Variants in THSD7B observed in about 807,000 individuals in gnomAD.
THSD7B encodes thrombospondin type-1 domain-containing protein 7B.
A neutral mutation model predicts 213.6 loss-of-function variants in THSD7B; 138 were observed. The observed-to-expected ratio is 0.65, with a 90% CI of 0.56 to 0.74. The LOEUF (loss-of-function observed/expected upper bound fraction) is 0.74, where lower values mean the gene tolerates loss of function less well. Among genes scored for constraint, THSD7B ranks in the 30% least tolerant of loss-of-function variants. The probability of loss-of-function intolerance (pLI) is 0.00; values close to 1 mark genes in which losing one functional copy is unlikely to be tolerated. For missense variants in THSD7B, 1,931 were observed against 1,991.5 expected, an observed-to-expected ratio of 0.97 and a Z score of 0.58; for synonymous variants, 742 against 687.0, an observed-to-expected ratio of 1.08 and a Z score of -1.25.
At chr2:137,021,668 T>C (rs188447040) in intron 2 of THSD7B, among the ~76,000 whole-genome samples, 5 of 152,334 alleles carry the variant, frequency 3.3e-5, no homozygotes, top group Non-Finnish European at 5.9e-5. Flanking sequence ...AAACATGATA[T>C]TGACATTGAT....
At chr2:137,408,802 T>C (rs1027508680) in intron 13 of THSD7B, among the ~76,000 whole-genome samples, 1 of 152,162 alleles carries the variant, frequency 6.6e-6, no homozygotes, top group Non-Finnish European at 1.5e-5. Context: ...GCCAGCAACA[T>C]TGCATTTCTC....
intron 12 of THSD7B, among the ~76,000 whole-genome samples, chr2:137,301,778 G>A (rs1683607921): frequency 6.6e-6 from 1 of 152,056 alleles, no homozygotes; most frequent in African/African-American, 2.4e-5. Context: ...AGACAGTGAA[G>A]TTTGAGCAGA....
intron 12 of THSD7B, among the ~76,000 whole-genome samples, chr2:137,323,464 T>C (rs898743881): frequency 3.9e-5 from 6 of 152,198 alleles, no homozygotes; most frequent in African/African-American, 1.4e-4. Flanking sequence ...TTCATTGAGA[T>C]GTCATAAGAT....
At chr2:136,881,068 G>A (rs557057569) in intron 1 of THSD7B, among the ~76,000 whole-genome samples, 3 of 152,174 alleles carry the variant, frequency 2.0e-5, no homozygotes, top group East Asian at 1.9e-4. Flanking sequence ...GCATTTCAAC[G>A]CCTTGTTGTT....
intron 15 of THSD7B, among the ~76,000 whole-genome samples, chr2:137,455,498 G>A (rs149363548): frequency 6.6e-6 from 1 of 152,264 alleles, no homozygotes; most frequent in South Asian, 2.1e-4. Flanking sequence ...ATCTGAATCT[G>A]TTAGTGAAAT....
intron 2 of THSD7B, among the ~76,000 whole-genome samples, chr2:136,942,730 T>C (rs1310843106): frequency 1.3e-5 from 2 of 152,238 alleles, no homozygotes; most frequent in African/African-American, 4.8e-5. Flanking sequence ...AAGTTGCTTA[T>C]CAGCTTAAGG....
intron 7 of THSD7B, among the ~76,000 whole-genome samples, chr2:137,212,200 A>C (rs1426152392): frequency 6.6e-6 from 1 of 151,904 alleles, no homozygotes; most frequent in Non-Finnish European, 1.5e-5. Flanking sequence ...CTTACATTAG[A>C]TTCTGGTCGG....
intron 2 of THSD7B, among the ~76,000 whole-genome samples, chr2:136,995,182 G>A (rs1027864993): frequency 1.3e-5 from 2 of 152,170 alleles, no homozygotes; most frequent in African/African-American, 4.8e-5. Context: ...GACTGTCTCA[G>A]AGCAAATTCT....
At chr2:137,609,787 T>G (rs2104831727) in intron 17 of THSD7B, among the ~76,000 whole-genome samples, 1 of 152,180 alleles carries the variant, frequency 6.6e-6, no homozygotes, top group South Asian at 2.1e-4. Context: ...ATCTGTAGAA[T>G]GGGAAGATTG....
intron 3 of THSD7B, among the ~76,000 whole-genome samples, 152 bp from the exon 4 acceptor site, chr2:137,094,720 AT>A (rs148419208): frequency 6.6e-6 from 1 of 152,240 alleles, no homozygotes; most frequent in Non-Finnish European, 1.5e-5. Context: ...ACTCTTCAAT[AT>A]TTTTTCATGA....
intron 2 of THSD7B, among the ~76,000 whole-genome samples, chr2:136,940,082 TAA>T (rs1358450394): frequency 1.5e-3 from 234 of 152,296 alleles, no homozygotes; most frequent in African/African-American, 5.6e-3. Flanking sequence ...AACATTTGTA[TAA>T]TGGTAAAGAC....
chr2:137,046,670 C>T (rs1686975686), intron 2 of THSD7B, among the ~76,000 whole-genome samples: 1 of 140,214 alleles, frequency 7.1e-6, no homozygotes, highest in Non-Finnish European at 1.5e-5. Flanking sequence ...GCAGAGTTTG[C>T]AGTGAGCCAA....
chr2:137,331,350 T>TTC (rs1174593087), intron 12 of THSD7B, among the ~76,000 whole-genome samples: 1 of 149,636 alleles, frequency 6.7e-6, no homozygotes, highest in Non-Finnish European at 1.5e-5. Flanking sequence ...GACATAAACG[T>TTC]TCTCCAAGGC....
intron 7 of THSD7B, among the ~76,000 whole-genome samples, chr2:137,209,190 C>T (rs1244547419): frequency 6.6e-6 from 1 of 152,060 alleles, no homozygotes; most frequent in Non-Finnish European, 1.5e-5. Context: ...CTGTCATAAT[C>T]TTTGCAAAGG....
intron 15 of THSD7B, among the ~76,000 whole-genome samples, chr2:137,554,768 GCAC>G (rs1680920756): frequency 1.3e-5 from 2 of 152,182 alleles, no homozygotes; most frequent in African/African-American, 4.8e-5. Flanking sequence ...CACCCGGGAA[GCAC>G]AAGGGGTCAG....
chr2:137,445,354 T>C (rs937951746), intron 14 of THSD7B, among the ~76,000 whole-genome samples: 8 of 152,002 alleles, frequency 5.3e-5, no homozygotes, highest in African/African-American at 1.9e-4. Context: ...GGAATCCACC[T>C]AAGTGCCCAT....
chr2:136,889,841 C>G (rs531952448), intron 2 of THSD7B, among the ~76,000 whole-genome samples: 1 of 152,280 alleles, frequency 6.6e-6, no homozygotes, highest in South Asian at 2.1e-4. Context: ...TCTTGAATCC[C>G]TTGTTTCCTG....
rs1688443376 is a variant in THSD7B at position 137,116,067 on chromosome 2, T to C, written c.1369+774T>C. Among the ~76,000 whole-genome samples, 3 of 152,168 alleles carry C rather than the reference T, an allele frequency of 2.0e-5. No individual in the cohort carries two copies. The South Asian group carries it at 6.2e-4, about 31-fold the overall frequency. ...CGAGGACATATTTCCACTGTGGGCT[T>C]TGGTTAGGAAGGCAAGATGCAAATT... On this transcript the variant is annotated intron_variant, in intron 5 of 27. Transcript: ENST00000409968.
At chr2:137,074,334 A>G (rs1450051657) in intron 3 of THSD7B, among the ~76,000 whole-genome samples, 1 of 152,102 alleles carries the variant, frequency 6.6e-6, no homozygotes. Flanking sequence ...CTTTACCATT[A>G]TGTAATGGCC....
Sources: allele counts gnomAD v4.1 joint callset (sites outside exome capture counted in the v4.1 genomes callset), GRCh38; gene constraint gnomAD v4.1.1; transcripts MANE v1.5; gene names NCBI Gene and HGNC (gene_info 2026-07-23, HGNC 2026-07-21).